Variants in LIPI observed in about 807,000 individuals in gnomAD.
LIPI encodes lipase member I.
In LIPI, 59 loss-of-function variants were observed where a neutral mutation model predicts 50.6. That is an observed-to-expected ratio of 1.16 (90% CI 0.94 to 1.45). The LOEUF is 1.45. LIPI is among the 40% of genes most tolerant of loss of function. The pLI is 0.00. For synonymous variants in LIPI, 203 were observed against 178.2 expected (o/e 1.14, Z -1.11); for missense variants, 586 against 536.3 (o/e 1.09, Z -0.92).
At chr21:14,144,439 TAAA>T in intron 9 of LIPI, 181 bp downstream of exon 9, 1 of 441,504 alleles carries the variant, frequency 2.3e-6, no homozygotes, top group Non-Finnish European at 4.1e-6. Flanking sequence ...GATTCCCAAA[TAAA>T]TTTTATTAAA....
chr21:14,198,228 C>A (rs2019928979), intron 1 of LIPI, among the ~76,000 whole-genome samples: 2 of 152,042 alleles, frequency 1.3e-5, no homozygotes, highest in African/African-American at 4.8e-5. Flanking sequence ...GCAAAATAAC[C>A]AGCCAACATC....
intron 9 of LIPI, among the ~76,000 whole-genome samples, chr21:14,117,953 T>A (rs1350303861): frequency 6.6e-6 from 1 of 151,974 alleles, no homozygotes; most frequent in Non-Finnish European, 1.5e-5. Flanking sequence ...GTCATGGATG[T>A]GGTCACAGTA....
At chr21:14,176,819 A>G (rs1463213432) in intron 4 of LIPI, among the ~76,000 whole-genome samples, 1 of 150,098 alleles carries the variant, frequency 6.7e-6, no homozygotes, top group Non-Finnish European at 1.5e-5. Flanking sequence ...TTTAAGTTCT[A>G]TGGTACATGT....
Position 14,179,309 on chromosome 21 carries a change from C to T in LIPI, c.643+2449G>A, listed in dbSNP as rs1046362144. 7.2e-5 allele frequency among the ~76,000 whole-genome samples: 11 copies of T among 151,752 alleles called. No individual in the cohort carries two copies. The South Asian group carries it at 1.0e-3, about 14-fold the overall frequency. On this transcript the variant is annotated intron_variant, in intron 4 of 9. Coordinates refer to ENST00000681601, the MANE Select transcript of LIPI (RefSeq NM_001302998.2). ...GTTCACCAGGTATGTGCTGAGTCCACGCATATCATTCAGAAATTTCTCGGA... is the reference window on the plus strand; with the variant it reads ...GTTCACCAGGTATGTGCTGAGTCCATGCATATCATTCAGAAATTTCTCGGA...
chr21:14,157,413 G>A (rs2018310267), intron 7 of LIPI, among the ~76,000 whole-genome samples: 2 of 151,896 alleles, frequency 1.3e-5, no homozygotes, highest in South Asian at 4.1e-4. Context: ...AGCCATCTTG[G>A]CAGAGGCCAA....
intron 1 of LIPI, among the ~76,000 whole-genome samples, chr21:14,195,523 A>G (rs563882664): frequency 1.3e-5 from 2 of 152,270 alleles, no homozygotes; most frequent in South Asian, 4.1e-4. Context: ...ATTCAGCCTC[A>G]TTATCTGGCA....
intron 1 of LIPI, among the ~76,000 whole-genome samples, chr21:14,196,172 A>ACAT (rs1555860397): frequency 7.2e-5 from 10 of 138,336 alleles, no homozygotes; most frequent in African/African-American, 2.6e-4. Flanking sequence ...AAAAAACAAA[A>ACAT]CAAGAAGTAT....
intron 1 of LIPI, chr21:14,206,918 C>T: frequency 6.3e-7 from 1 of 1,598,788 alleles, no homozygotes; most frequent in Non-Finnish European, 8.6e-7. Flanking sequence ...AACATTTGAG[C>T]AACATAAATA....
chr21:14,170,686 A>C (rs1422141555), intron 4 of LIPI, among the ~76,000 whole-genome samples: 2 of 152,142 alleles, frequency 1.3e-5, no homozygotes, highest in Non-Finnish European at 2.9e-5. Flanking sequence ...AAAAACTCTC[A>C]ATAAATTAGG....
intron 9 of LIPI, among the ~76,000 whole-genome samples, chr21:14,136,332 C>A (rs1453112093): frequency 1.3e-5 from 2 of 152,124 alleles, no homozygotes. Flanking sequence ...CCAGAGGGAG[C>A]CCACTGCCCT....
At chr21:14,159,398 T>A (rs2018385651) in intron 7 of LIPI, among the ~76,000 whole-genome samples, 3 of 151,378 alleles carry the variant, frequency 2.0e-5, no homozygotes, top group Non-Finnish European at 1.5e-5. Context: ...AAGAAAAAAA[T>A]TATATGATCA....
chr21:14,172,861 TATA>T (rs978047061), intron 4 of LIPI, among the ~76,000 whole-genome samples: 1 of 151,836 alleles, frequency 6.6e-6, no homozygotes, highest in African/African-American at 2.4e-5. Flanking sequence ...AAACTTAAAG[TATA>T]ATAATAATAA....
intron 9 of LIPI, among the ~76,000 whole-genome samples, chr21:14,137,604 G>A (rs1283214664): frequency 6.6e-6 from 1 of 152,028 alleles, no homozygotes; most frequent in Non-Finnish European, 1.5e-5. Context: ...AGCCTTAAAA[G>A]GGGAAATACA....
chr21:14,189,105 T>C lies in LIPI; in HGVS notation c.361A>G (p.Ile121Val). Residue 121 changes from isoleucine to valine, a missense_variant, in exon 2 of 10, where the codon ATT (isoleucine) becomes GTT (valine). By Grantham distance (29) the Ile-to-Val change is conservative. Coordinates refer to ENST00000681601, the MANE Select transcript of LIPI (RefSeq NM_001302998.2). ...VDWSRGATTF[I>V]YNRAVKNTRK... The stretch of plus-strand genomic sequence containing the variant: ...GTGTTTTTAACTGCTCTATTATAAA[T>C]AAAAGTTGTAGCACCCCGGCTCCAG... 6.2e-7 allele frequency: 1 copy of C among 1,613,014 alleles called. No homozygotes were observed. The highest frequency in any genetic ancestry group is 8.5e-7 in the Non-Finnish European group (1 of 1,179,918).
chr21:14,200,100 C>T (rs906258069), intron 1 of LIPI, among the ~76,000 whole-genome samples: 1 of 151,864 alleles, frequency 6.6e-6, no homozygotes, highest in East Asian at 1.9e-4. Flanking sequence ...AAGGAACATG[C>T]CTCAAGATAA....
At chr21:14,171,156 A>G (rs1438675820) in intron 4 of LIPI, among the ~76,000 whole-genome samples, 1 of 150,834 alleles carries the variant, frequency 6.6e-6, no homozygotes, top group African/African-American at 2.4e-5. Context: ...TCCAACTTAC[A>G]AGGGATGTGA....
intron 4 of LIPI, among the ~76,000 whole-genome samples, chr21:14,171,651 C>G (rs2018912170): frequency 6.6e-6 from 1 of 151,340 alleles, no homozygotes; most frequent in South Asian, 2.1e-4. Flanking sequence ...GCTGGGAAAA[C>G]TGGCTAGCCA....
At chr21:14,150,200 T>C (rs1375884856) in intron 8 of LIPI, among the ~76,000 whole-genome samples, 2 of 152,106 alleles carry the variant, frequency 1.3e-5, no homozygotes, top group South Asian at 2.1e-4. Context: ...AAGAATAGTA[T>C]GGGGGAAACC....
intron 1 of LIPI, 30 bp downstream of exon 1, chr21:14,210,770 G>T: frequency 2.1e-6 from 2 of 962,250 alleles, no homozygotes; most frequent in South Asian, 1.7e-5. Flanking sequence ...AATTTTTAAA[G>T]ATAAATCAAA....
Sources: gnomAD v4.1 joint callset for allele counts (sites outside exome capture counted in the v4.1 genomes callset) on GRCh38, gnomAD v4.1.1 for gene constraint, MANE v1.5 for transcripts, NCBI Gene and HGNC (gene_info 2026-07-23, HGNC 2026-07-21) for gene names.